Variants in NRIP1 observed in about 807,000 individuals in gnomAD.
NRIP1 encodes the protein nuclear receptor interacting protein 1.
A neutral mutation model predicts 75.0 loss-of-function variants in NRIP1; 28 were observed. The ratio of observed to expected loss-of-function variants is 0.37; its 90% CI spans 0.28 to 0.51. NRIP1 has a LOEUF of 0.51. Ranked by LOEUF, NRIP1 falls within the 20% of genes least tolerant of loss-of-function variation. The pLI is 0.92. For synonymous variants in NRIP1, 526 were observed against 487.6 expected, an observed-to-expected ratio of 1.08 and a Z score of -1.04; for missense variants, 1,435 against 1,343.7, an observed-to-expected ratio of 1.07 and a Z score of -1.06.
chr21:15,063,239 C>T (rs1162269642), intron 1 of NRIP1, among the ~76,000 whole-genome samples: 1 of 152,198 alleles, frequency 6.6e-6, no homozygotes, highest in African/African-American at 2.4e-5. Context: ...GGTGATGAAG[C>T]CAGTGCTCCC....
chr21:15,026,162 C>G (rs544804212), intron 2 of NRIP1, among the ~76,000 whole-genome samples: 28 of 152,166 alleles, frequency 1.8e-4, no homozygotes, highest in South Asian at 1.2e-3. Context: ...GTATGTGTTA[C>G]TTTAAAATTA....
chr21:15,035,221 A>G (rs991433069), intron 2 of NRIP1, among the ~76,000 whole-genome samples: 1 of 152,144 alleles, frequency 6.6e-6, no homozygotes, highest in Non-Finnish European at 1.5e-5. Context: ...CTTTGTTTTA[A>G]ATTTTTTTAA....
At chr21:15,020,520 C>T (rs2088347986) in intron 2 of NRIP1, among the ~76,000 whole-genome samples, 1 of 151,920 alleles carries the variant, frequency 6.6e-6, no homozygotes, top group Non-Finnish European at 1.5e-5. Flanking sequence ...CTCTTATGAC[C>T]TTAAGTTACA....
chr21:15,006,319 G>A (rs1174039064), intron 3 of NRIP1, among the ~76,000 whole-genome samples: 1 of 152,196 alleles, frequency 6.6e-6, no homozygotes, highest in Admixed American at 6.5e-5. Flanking sequence ...AATGCCAGTA[G>A]AGGGTGTTTG....
At chr21:14,983,004 C>T (rs1306218024) in intron 3 of NRIP1, among the ~76,000 whole-genome samples, 2 of 152,056 alleles carry the variant, frequency 1.3e-5, no homozygotes, top group South Asian at 2.1e-4. Flanking sequence ...TCCCATCTCT[C>T]TCCCTCTCCT....
At chr21:15,049,102 C>T (rs780353216) in intron 1 of NRIP1, among the ~76,000 whole-genome samples, 7 of 152,134 alleles carry the variant, frequency 4.6e-5, no homozygotes, top group Non-Finnish European at 1.0e-4. Flanking sequence ...ACCCTAATAG[C>T]ATTTAGAAGC....
At chr21:15,000,115 A>C (rs111818191) in intron 3 of NRIP1, among the ~76,000 whole-genome samples, 1 of 152,224 alleles carries the variant, frequency 6.6e-6, no homozygotes, top group Non-Finnish European at 1.5e-5. Flanking sequence ...GAAGAAGTAC[A>C]CTTTAAGACT....
chr21:15,017,623 A>G (rs745509484), intron 2 of NRIP1, among the ~76,000 whole-genome samples: 1 of 152,204 alleles, frequency 6.6e-6, no homozygotes, highest in Non-Finnish European at 1.5e-5. Flanking sequence ...CACAAAGTCA[A>G]TAAGAGACTG....
intron 3 of NRIP1, among the ~76,000 whole-genome samples, chr21:15,006,539 G>A (rs1053547116): frequency 6.6e-6 from 1 of 152,112 alleles, no homozygotes; most frequent in Non-Finnish European, 1.5e-5. Flanking sequence ...ATGCTGGTTT[G>A]TCATCATCAG....
intron 1 of NRIP1, among the ~76,000 whole-genome samples, chr21:15,059,013 G>A (rs2089366089): frequency 6.6e-6 from 1 of 152,122 alleles, no homozygotes; most frequent in Non-Finnish European, 1.5e-5. Context: ...CAAATTACAG[G>A]CCTGAAAACA....
intron 2 of NRIP1, among the ~76,000 whole-genome samples, chr21:15,036,565 T>C (rs2088836774): frequency 1.3e-5 from 2 of 151,676 alleles, no homozygotes; most frequent in African/African-American, 4.8e-5. Context: ...TACCCAGATA[T>C]ACATGATCTT....
chr21:14,985,241 C>A (rs1156328336), intron 3 of NRIP1, among the ~76,000 whole-genome samples: 1 of 151,892 alleles, frequency 6.6e-6, no homozygotes, highest in Non-Finnish European at 1.5e-5. Context: ...CCTTGGTCTG[C>A]AAAATAAGGA....
intron 1 of NRIP1, among the ~76,000 whole-genome samples, 160 bp downstream of exon 1, chr21:15,064,585 G>A (rs989548871): frequency 6.6e-6 from 1 of 151,642 alleles, no homozygotes; most frequent in Non-Finnish European, 1.5e-5. Flanking sequence ...GAACCAGGCA[G>A]CAGAGGCAGG....
At chr21:15,012,447 C>CTT (rs869160226) in intron 3 of NRIP1, among the ~76,000 whole-genome samples, 5,636 of 79,306 alleles carry the variant, frequency 0.071, 1,189 homozygotes, top group Non-Finnish European at 0.075. Flanking sequence ...ATTATAATGT[C>CTT]TTTTTTTTTT....
At chr21:15,060,189 TAAAACTGCATTTCA>T (rs1173808914) in intron 1 of NRIP1, among the ~76,000 whole-genome samples, 1 of 152,162 alleles carries the variant, frequency 6.6e-6, no homozygotes, top group Non-Finnish European at 1.5e-5. Context: ...TGCAACAAAT[TAAAACTGCATTTCA>T]TAACTCGTAG....
rs1224044211 is a variant in NRIP1, at chr21:14,966,180, G to T, written c.2013C>A (p.Ser671Arg). 1 of 1,613,598 alleles carries T rather than the reference G, an allele frequency of 6.2e-7. No individual in the cohort carries two copies. The highest frequency in any genetic ancestry group is 8.5e-7 in the Non-Finnish European group (1 of 1,179,894). The stretch of plus-strand genomic sequence containing the variant: ...CATTTGTTTTATTTGAGAGCAAAGG[G>T]CTATTTAATCTATCAATCATACCTA... ...KPIGMIDRLNSPLLSNKTNAV... is the reference protein window; with the variant it reads ...KPIGMIDRLNRPLLSNKTNAV... The change falls in exon 4 of 4, where the codon AGC becomes AGA. Residue 671 changes from serine to arginine, a missense_variant. Physicochemically the swap from Ser to Arg is moderately radical, Grantham distance 110 (BLOSUM62 -1). Coordinates refer to ENST00000318948, the MANE Select transcript of NRIP1 (RefSeq NM_003489.4).
chr21:15,011,119 T>C (rs1404873927), intron 3 of NRIP1, among the ~76,000 whole-genome samples: 3 of 152,204 alleles, frequency 2.0e-5, no homozygotes, highest in Non-Finnish European at 4.4e-5. Context: ...GAGGAGTGTT[T>C]TATGAAGTTG....
intron 3 of NRIP1, among the ~76,000 whole-genome samples, chr21:14,996,748 C>T (rs2087739476): frequency 1.3e-5 from 2 of 152,098 alleles, no homozygotes; most frequent in South Asian, 4.1e-4. Context: ...ATAATAAATG[C>T]ACGTCATTAC....
In NRIP1 at chr21:15,000,817, T is replaced by C. The variant is rs370869388; in HGVS notation, c.-335+13527A>G. Among the ~76,000 whole-genome samples the C allele has an allele frequency of 3.3e-5, 5 of 152,302 alleles. No homozygotes were observed. The South Asian group carries it at 6.2e-4, about 19-fold the overall frequency. ...AAATAATTTTGATGCCTATATCCAA[T>C]TGAAACAAAATTTAATAGTCTGAAT... On this transcript the variant is annotated intron_variant, in intron 3 of 3. Transcript: ENST00000318948.
Sources: gnomAD v4.1 joint callset for allele counts (sites outside exome capture counted in the v4.1 genomes callset) on GRCh38, gnomAD v4.1.1 for gene constraint, MANE v1.5 for transcripts, NCBI Gene and HGNC (gene_info 2026-07-23, HGNC 2026-07-21) for gene names.